Variants in COG5 observed in about 807,000 individuals in gnomAD.
COG5 encodes component of oligomeric golgi complex 5.
Under a neutral mutation model 110.4 loss-of-function variants are expected in COG5, and 86 were observed. That is an observed-to-expected ratio of 0.78 (90% CI 0.65 to 0.93). The LOEUF (loss-of-function observed/expected upper bound fraction) is 0.93. Among genes scored for constraint, COG5 ranks in the 40% least tolerant of loss-of-function variants. The probability of loss-of-function intolerance (pLI) is 0.00; values close to 1 mark genes in which losing one functional copy is unlikely to be tolerated. For synonymous variants in COG5, 360 were observed against 334.6 expected, an observed-to-expected ratio of 1.08 and a Z score of -0.83; for missense variants, 1,077 against 987.0, an observed-to-expected ratio of 1.09 and a Z score of -1.22.
chr7:107,525,251 G>A (rs147459471), intron 6 of COG5, among the ~76,000 whole-genome samples: 22 of 149,536 alleles, frequency 1.5e-4, no homozygotes, highest in South Asian at 2.1e-4. Context: ...TTTTTTTTTC[G>A]AAGACATGAC....
intron 17 of COG5, among the ~76,000 whole-genome samples, chr7:107,245,691 A>C (rs1350518960): frequency 2.6e-5 from 4 of 152,178 alleles, no homozygotes; most frequent in African/African-American, 4.8e-5. Context: ...GAACTACAAA[A>C]CACTGCTCAA....
intron 14 of COG5, among the ~76,000 whole-genome samples, chr7:107,260,231 T>C (rs1161004571): frequency 1.3e-5 from 2 of 152,076 alleles, no homozygotes; most frequent in East Asian, 1.9e-4. Context: ...CAATGGAACA[T>C]TACTTAGCAA....
intron 6 of COG5, among the ~76,000 whole-genome samples, chr7:107,526,851 G>A (rs182896922): frequency 9.2e-5 from 14 of 152,270 alleles, no homozygotes; most frequent in African/African-American, 2.6e-4. Context: ...TACAATGATG[G>A]AGAAAAGATC....
intron 19 of COG5, among the ~76,000 whole-genome samples, chr7:107,221,128 C>G (rs1327260942): frequency 6.6e-6 from 1 of 152,054 alleles, no homozygotes; most frequent in Non-Finnish European, 1.5e-5. Flanking sequence ...CATGCCCTCA[C>G]TTCTGTCCTG....
rs146294268 is a variant in COG5, at chr7:107,342,073, A to G, written c.1027-17552T>C. Among the ~76,000 whole-genome samples, 110 of 152,276 alleles carry G rather than the reference A, an allele frequency of 7.2e-4. 1 individual carries two copies. In the Middle Eastern group the frequency reaches 0.014, roughly 19 times the overall value. ...GCTGCTTTGTAAAAGAAGCTATCAA[A>G]AGAGTAAACCAACAACCCACACTAT... On this transcript the variant is annotated intron_variant, in intron 10 of 21. Coordinates refer to ENST00000297135, the MANE Select transcript of COG5 (RefSeq NM_006348.5).
At chr7:107,517,972 A>C (rs553794001) in intron 6 of COG5, among the ~76,000 whole-genome samples, 2 of 152,308 alleles carry the variant, frequency 1.3e-5, no homozygotes, top group African/African-American at 2.4e-5. Flanking sequence ...CTGGGATTAC[A>C]GGCATGAGTC....
intron 6 of COG5, among the ~76,000 whole-genome samples, chr7:107,421,650 C>T (rs756633641): frequency 1.3e-5 from 2 of 151,402 alleles, no homozygotes; most frequent in Admixed American, 6.6e-5. Context: ...ATTAGCCACA[C>T]GTGGTGGTAG....
intron 7 of COG5, among the ~76,000 whole-genome samples, chr7:107,399,192 A>G (rs1791242920): frequency 6.6e-6 from 1 of 151,910 alleles, no homozygotes; most frequent in South Asian, 2.1e-4. Context: ...ACAGAGCGAG[A>G]CTCTGTCTGA....
chr7:107,427,994 T>C (rs1235497997), intron 6 of COG5, among the ~76,000 whole-genome samples: 1 of 152,076 alleles, frequency 6.6e-6, no homozygotes, highest in African/African-American at 2.4e-5. Flanking sequence ...AAGTGCGTGC[T>C]GACTGGTTTG....
chr7:107,542,456 T>C (rs1802106741), intron 5 of COG5, among the ~76,000 whole-genome samples: 1 of 152,194 alleles, frequency 6.6e-6, no homozygotes, highest in Non-Finnish European at 1.5e-5. Flanking sequence ...GTAAAATAGT[T>C]TGGCATTATC....
chr7:107,233,116 T>C (rs1282897682), intron 18 of COG5, among the ~76,000 whole-genome samples: 2 of 152,216 alleles, frequency 1.3e-5, no homozygotes, highest in Non-Finnish European at 2.9e-5. Context: ...AGAAGACCTA[T>C]AAATAGAAAT....
At chr7:107,274,471 G>A (rs1307581250) in intron 14 of COG5, among the ~76,000 whole-genome samples, 3 of 152,056 alleles carry the variant, frequency 2.0e-5, no homozygotes, top group Admixed American at 2.0e-4. Flanking sequence ...TTGTTTTGGT[G>A]AGACTTACGG....
At chr7:107,546,034 C>T (rs1802413797) in intron 5 of COG5, among the ~76,000 whole-genome samples, 1 of 151,982 alleles carries the variant, frequency 6.6e-6, no homozygotes, top group Non-Finnish European at 1.5e-5. Flanking sequence ...TTTCCAACCA[C>T]AATGGTATTA....
chr7:107,458,049 C>G (rs1795772686), intron 6 of COG5, among the ~76,000 whole-genome samples: 1 of 152,106 alleles, frequency 6.6e-6, no homozygotes. Context: ...TAAGAATGAT[C>G]ACAGACTTCT....
At chr7:107,238,656 A>C (rs1473002430) in intron 17 of COG5, among the ~76,000 whole-genome samples, 1 of 151,928 alleles carries the variant, frequency 6.6e-6, no homozygotes, top group Non-Finnish European at 1.5e-5. Flanking sequence ...CGTCTTTCAC[A>C]CTCGGTATCT....
intron 7 of COG5, among the ~76,000 whole-genome samples, chr7:107,383,219 T>C (rs1815282623): frequency 6.6e-6 from 1 of 152,174 alleles, no homozygotes; most frequent in Non-Finnish European, 1.5e-5. Context: ...AGTTTCACCT[T>C]AGCATTCAGC....
At chr7:107,412,701 G>T (rs1792397144) in intron 6 of COG5, 69 bp from the exon 7 acceptor site, 93 of 805,126 alleles carry the variant, frequency 1.2e-4, no homozygotes, top group Non-Finnish European at 1.3e-4. Context: ...ATCAAAATAT[G>T]TATAACTTCT....
At chr7:107,499,616 C>T (rs1584899312) in intron 6 of COG5, among the ~76,000 whole-genome samples, 1 of 151,780 alleles carries the variant, frequency 6.6e-6, no homozygotes, top group Admixed American at 6.6e-5. Context: ...CATGTTGGCC[C>T]AGCTGGTCTC....
At chr7:107,312,823 TG>T (rs948339177) in intron 11 of COG5, among the ~76,000 whole-genome samples, 80 of 105,018 alleles carry the variant, frequency 7.6e-4, no homozygotes, top group Non-Finnish European at 1.5e-3. Context: ...AATTCATGCT[TG>T]GCAGAAGCAG....
Sources: gnomAD v4.1 joint callset for allele counts (sites outside exome capture counted in the v4.1 genomes callset) on GRCh38, gnomAD v4.1.1 for gene constraint, MANE v1.5 for transcripts, NCBI Gene and HGNC (gene_info 2026-07-23, HGNC 2026-07-21) for gene names.